The following MEGF11 variants were observed in gnomAD, a reference collection of about 807,000 sequenced individuals.
MEGF11 encodes the protein multiple EGF like domains 11.
A neutral mutation model predicts 146.6 loss-of-function variants in MEGF11; 126 were observed. The observed-to-expected ratio is 0.86, with a 90% confidence interval of 0.74 to 1.00. MEGF11 has a LOEUF of 1.00. MEGF11 is among the 50% of genes least tolerant of loss of function. The probability of loss-of-function intolerance (pLI) is 0.00; values close to 1 mark genes in which losing one functional copy is unlikely to be tolerated. For synonymous variants in MEGF11, 532 were observed against 583.4 expected (o/e 0.91, Z 1.27); for missense variants, 1,509 against 1,521.2 (o/e 0.99, Z 0.13).
chr15:66,125,976 A>G (rs1432478435), intron 2 of MEGF11, among the ~76,000 whole-genome samples: 2 of 152,116 alleles, frequency 1.3e-5, no homozygotes, highest in Non-Finnish European at 2.9e-5. Flanking sequence ...CCTCGTACCA[A>G]CTCCAAGTTC....
intron 5 of MEGF11, among the ~76,000 whole-genome samples, chr15:66,062,243 T>A (rs1429319604): frequency 6.6e-6 from 1 of 152,234 alleles, no homozygotes; most frequent in Non-Finnish European, 1.5e-5. Flanking sequence ...ATCTTGAGTA[T>A]GGGCTGAACT....
chr15:66,250,106 CT>C (rs2092350610), intron 1 of MEGF11, among the ~76,000 whole-genome samples: 2 of 152,194 alleles, frequency 1.3e-5, no homozygotes, highest in Admixed American at 1.3e-4. Flanking sequence ...TGGCACCAGT[CT>C]CTATGGATAC....
At chr15:65,991,812 A>G (rs546718631) in intron 5 of MEGF11, among the ~76,000 whole-genome samples, 1 of 152,370 alleles carries the variant, frequency 6.6e-6, no homozygotes, top group African/African-American at 2.4e-5. Context: ...GCTGCATTTG[A>G]AACTAGCTGA....
intron 5 of MEGF11, among the ~76,000 whole-genome samples, chr15:66,058,550 A>T (rs1462009437): frequency 1.3e-5 from 2 of 152,128 alleles, no homozygotes; most frequent in Non-Finnish European, 2.9e-5. Flanking sequence ...GCAGAGACAG[A>T]TCTGGGGAAC....
At chr15:66,120,084 G>T (rs2087946376) in intron 3 of MEGF11, among the ~76,000 whole-genome samples, 1 of 152,064 alleles carries the variant, frequency 6.6e-6, no homozygotes, top group Non-Finnish European at 1.5e-5. Context: ...AGCTAATCAG[G>T]GTCAGAGCCA....
chr15:66,026,138 G>A (rs1375230888), intron 5 of MEGF11, among the ~76,000 whole-genome samples: 1 of 152,242 alleles, frequency 6.6e-6, no homozygotes, highest in African/African-American at 2.4e-5. Context: ...AAGCTCCCCA[G>A]GTGATTCTAA....
intron 23 of MEGF11, among the ~76,000 whole-genome samples, 158 bp from the exon 24 acceptor site, chr15:65,906,299 T>C (rs2078627253): frequency 6.6e-6 from 1 of 152,178 alleles, no homozygotes; most frequent in South Asian, 2.1e-4. Context: ...GGGTTTAATC[T>C]ACCTGAAATT....
At chr15:66,115,088 A>T (rs1383776478) in intron 4 of MEGF11, among the ~76,000 whole-genome samples, 1 of 152,190 alleles carries the variant, frequency 6.6e-6, no homozygotes, top group Non-Finnish European at 1.5e-5. Context: ...GTCAGCCTGC[A>T]AGAAACAAGG....
At position 66,226,804 on chromosome 15, in the gene MEGF11, C is replaced by A. The variant is rs1369165324; in HGVS notation, c.-9+26801G>T. Among the ~76,000 whole-genome samples, 10 of 152,062 alleles carry A rather than the reference C, an allele frequency of 6.6e-5. No homozygotes were observed. The East Asian group carries it at 1.9e-3, about 29-fold the overall frequency. ...TGACTGCTGTATACTCACACCCTCA[C>A]ATGGGCACACAAACACACGTGTGTT... On this transcript the variant is annotated intron_variant, in intron 1 of 25. Coordinates refer to ENST00000395614, the MANE Select transcript of MEGF11 (RefSeq NM_001385028.1).
intron 1 of MEGF11, among the ~76,000 whole-genome samples, chr15:66,238,526 T>C (rs2092143236): frequency 6.6e-6 from 1 of 152,174 alleles, no homozygotes; most frequent in East Asian, 1.9e-4. Context: ...CTGGAGGCAG[T>C]AGAGATGGAC....
At chr15:66,112,139 G>C (rs764308902) in intron 4 of MEGF11, among the ~76,000 whole-genome samples, 1 of 150,984 alleles carries the variant, frequency 6.6e-6, no homozygotes, top group Non-Finnish European at 1.5e-5. Context: ...GAATCAGCAG[G>C]CTCCATGAAC....
At chr15:66,108,833 G>A (rs1401861342) in intron 4 of MEGF11, among the ~76,000 whole-genome samples, 2 of 152,202 alleles carry the variant, frequency 1.3e-5, no homozygotes, top group African/African-American at 2.4e-5. Flanking sequence ...GCAAGTTCCC[G>A]TAGAGAAACT....
chr15:65,996,357 A>G (rs536406786), intron 5 of MEGF11, among the ~76,000 whole-genome samples: 1 of 152,272 alleles, frequency 6.6e-6, no homozygotes, highest in East Asian at 1.9e-4. Context: ...TTCCAAACCA[A>G]TACAGCAAAT....
chr15:66,249,225 G>T (rs1160208140), intron 1 of MEGF11, among the ~76,000 whole-genome samples: 1 of 152,206 alleles, frequency 6.6e-6, no homozygotes, highest in Non-Finnish European at 1.5e-5. Context: ...CTGTTCAGTT[G>T]TTTCCCCCAC....
At chr15:66,222,967 C>G (rs1426897991) in intron 1 of MEGF11, among the ~76,000 whole-genome samples, 1 of 152,106 alleles carries the variant, frequency 6.6e-6, no homozygotes, top group Non-Finnish European at 1.5e-5. Context: ...TACCATATAA[C>G]CCAGCAATTC....
chr15:66,251,803 T>C (rs1399496663), intron 1 of MEGF11, among the ~76,000 whole-genome samples: 1 of 152,248 alleles, frequency 6.6e-6, no homozygotes, highest in Non-Finnish European at 1.5e-5. Context: ...TTTGCTGATC[T>C]GTGAGTGGGA....
intron 5 of MEGF11, among the ~76,000 whole-genome samples, chr15:66,018,135 G>C (rs1224134989): frequency 6.6e-6 from 1 of 152,174 alleles, no homozygotes; most frequent in East Asian, 1.9e-4. Flanking sequence ...AAAAGGAAGG[G>C]CAGTCCACAG....
intron 1 of MEGF11, among the ~76,000 whole-genome samples, chr15:66,149,697 T>C (rs2141031317): frequency 6.6e-6 from 1 of 152,304 alleles, no homozygotes; most frequent in South Asian, 2.1e-4. Flanking sequence ...AATTGCAGGA[T>C]TCAACAAAAA....
Position 65,982,203 on chromosome 15 carries a change from T to TCCAGGTCCCGCCCCA in MEGF11, c.641+38_641+39insTGGGGCGGGACCTGG. 4.5e-6 allele frequency: 3 copies of TCCAGGTCCCGCCCCA among 659,790 alleles called. No individual in the cohort carries two copies. The highest frequency in any genetic ancestry group is 3.8e-5 in the African/African-American group (1 of 26,466). 40.9% of individuals were successfully genotyped at this position (659,790 alleles called of 1,614,324 possible). On this transcript the variant is annotated intron_variant, in intron 6 of 25. Coordinates refer to ENST00000395614, the MANE Select transcript of MEGF11 (RefSeq NM_001385028.1). The surrounding 1 kb of genome is among the most constrained non-coding windows in gnomAD (Gnocchi z 5.6). ...CCAGGCACCCTCCAGGTCCCGCCCC[T>TCCAGGTCCCGCCCCA]CCAGGTCCCGCCCCTCCAGGTCCTG...
Sources: gnomAD v4.1 joint callset for allele counts (sites outside exome capture counted in the v4.1 genomes callset) on GRCh38, gnomAD v4.1.1 for gene constraint, Gnocchi (gnomAD v3.1) non-coding constraint, MANE v1.5 for transcripts, NCBI Gene and HGNC (gene_info 2026-07-23, HGNC 2026-07-21) for gene names.